SAG: variants seen among roughly 807,000 people sequenced by gnomAD.
SAG encodes the protein S-antigen visual arrestin.
SAG carries 45 observed loss-of-function variants against 55.0 expected under a neutral mutation model. The observed-to-expected ratio is 0.82, with a 90% confidence interval of 0.64 to 1.05. SAG has a LOEUF of 1.05. Among genes scored for constraint, SAG ranks in the 50% least tolerant of loss-of-function variants. The pLI is 0.00. For synonymous variants in SAG, 189 were observed against 197.4 expected, an observed-to-expected ratio of 0.96 and a Z score of 0.36; for missense variants, 455 against 512.1, an observed-to-expected ratio of 0.89 and a Z score of 1.08.
At chr2:233,327,546 T>C in intron 7 of SAG, 1 of 188,838 alleles carries the variant, frequency 5.3e-6, no homozygotes, top group South Asian at 1.1e-4. Flanking sequence ...TTTTTTTTCT[T>C]TTTTTCTTTT....
chr2:233,322,970 G>C lies in SAG; in HGVS notation c.400G>C (p.Val134Leu). The C allele has an allele frequency of 6.3e-7, 1 of 1,577,874 alleles. No individual in the cohort carries two copies. The highest frequency in any genetic ancestry group is 8.6e-7 in the Non-Finnish European group (1 of 1,159,118). ...LTFPDYLPCS[V>L]MLQPAPQDSG... ...GTTTCCTGACTACTTGCCCTGTTCA[G>C]TGATGTTGCAGCCAGCTCCACAAGA... The change falls in exon 6 of 16, where the codon GTG becomes CTG. Residue 134 changes from valine (V) to leucine (L), a missense_variant. Physicochemically the swap from Val to Leu is conservative, Grantham distance 32 (BLOSUM62 1). Coordinates refer to ENST00000409110, the MANE Select transcript of SAG (RefSeq NM_000541.5).
intron 9 of SAG, 105 bp downstream of exon 9, chr2:233,329,682 G>A: frequency 2.7e-6 from 2 of 745,180 alleles, no homozygotes; most frequent in Non-Finnish European, 4.6e-6. Context: ...CTGGGTCCTT[G>A]GAACTGGCTA....
intron 2 of SAG, among the ~76,000 whole-genome samples, chr2:233,313,703 GC>G (rs1700137870): frequency 1.4e-5 from 2 of 141,486 alleles, no homozygotes; most frequent in African/African-American, 5.3e-5. Context: ...GCACCACCTT[GC>G]CCGGGCTAAT....
intron 5 of SAG, among the ~76,000 whole-genome samples, chr2:233,322,523 A>G (rs1412965537): frequency 6.6e-6 from 1 of 152,222 alleles, no homozygotes; most frequent in Non-Finnish European, 1.5e-5. Flanking sequence ...GGGCGTGGCC[A>G]GTTGCAGTGG....
intron 10 of SAG, chr2:233,332,499 G>T (rs1399977830): frequency 6.6e-6 from 1 of 152,168 alleles, no homozygotes; most frequent in Non-Finnish European, 1.5e-5. Flanking sequence ...GTAATAGATA[G>T]ATTTTTTTGA....
At chr2:233,321,986 T>TACACACACACAC (rs57822347) in intron 5 of SAG, among the ~76,000 whole-genome samples, 7 of 133,264 alleles carry the variant, frequency 5.3e-5, no homozygotes, top group African/African-American at 1.7e-4. Flanking sequence ...CTACTAAAAA[T>TACACACACACAC]ACACACACAC....
In SAG at chr2:233,340,597, T is replaced by G; in HGVS notation, c.1046+119T>G. Reference sequence around the variant, plus strand: ...TCTGGACAGTTGTGCTCAGAGGTGTTAGGAATGATGCTTTGCCTTCGGATG... The same window carrying G: ...TCTGGACAGTTGTGCTCAGAGGTGTGAGGAATGATGCTTTGCCTTCGGATG... On this transcript the variant is annotated intron_variant, in intron 13 of 15. Coordinates refer to ENST00000409110, the MANE Select transcript of SAG (RefSeq NM_000541.5). This position sits in a 1 kb window ranked among gnomAD's most constrained non-coding sequence, Gnocchi z 4.2. The G allele has an allele frequency of 1.3e-6, 1 of 780,322 alleles. No homozygotes were observed. The highest frequency in any genetic ancestry group is 2.2e-6 in the Non-Finnish European group (1 of 455,348). The allele number at this position is 780,322 out of a possible 1,614,324, so 48.3% of individuals were successfully genotyped here.
intron 6 of SAG, among the ~76,000 whole-genome samples, chr2:233,326,511 G>A (rs1483394550): frequency 6.6e-6 from 1 of 151,812 alleles, no homozygotes; most frequent in Non-Finnish European, 1.5e-5. Flanking sequence ...CTTGAACTCG[G>A]GAGGCGGAGG....
intron 7 of SAG, chr2:233,328,264 C>T: frequency 2.1e-6 from 1 of 479,638 alleles, no homozygotes; most frequent in African/African-American, 2.0e-5. Flanking sequence ...CACAGCTTCC[C>T]CCACAGGGAA....
intron 10 of SAG, 30 bp downstream of exon 10, chr2:233,331,742 G>A (rs771577825): frequency 1.3e-6 from 2 of 1,518,862 alleles, no homozygotes; most frequent in South Asian, 2.3e-5. Flanking sequence ...TCCGTTTCCT[G>A]GGCGTCTCAG....
chr2:233,328,695 C>T, intron 8 of SAG, 82 bp downstream of exon 8: 1 of 1,429,166 alleles, frequency 7.0e-7, no homozygotes, highest in East Asian at 2.3e-5. Context: ...CAGCCCCAGC[C>T]CTTAACTACA....
At chr2:233,345,804 G>C (rs551435530) in intron 14 of SAG, 1 of 152,738 alleles carries the variant, frequency 6.5e-6, no homozygotes, top group African/African-American at 2.4e-5. Flanking sequence ...GACTGGGGGG[G>C]TTTCATGTGA....
At chr2:233,314,359 C>T (rs1384732353) in intron 2 of SAG, among the ~76,000 whole-genome samples, 1 of 152,166 alleles carries the variant, frequency 6.6e-6, no homozygotes, top group Non-Finnish European at 1.5e-5. Context: ...AGGGCTACCT[C>T]CCAGGAACTG....
chr2:233,310,049 A>G (rs1012389285), intron 2 of SAG, among the ~76,000 whole-genome samples: 6 of 152,170 alleles, frequency 3.9e-5, no homozygotes, highest in Non-Finnish European at 8.8e-5. Context: ...CCGCAGGGCC[A>G]TTGGATAAGG....
intron 6 of SAG, among the ~76,000 whole-genome samples, chr2:233,323,482 G>A (rs1259185724): frequency 4.6e-5 from 7 of 152,008 alleles, no homozygotes; most frequent in African/African-American, 1.7e-4. Flanking sequence ...TTCTGCCTCA[G>A]CCTCCCGAGT....
Position 233,328,095 on chromosome 2 carries a change from G to A in SAG, c.513-383G>A, listed in dbSNP as rs779733571. 8 of 169,304 alleles carry A rather than the reference G, an allele frequency of 4.7e-5. 1 individual carries two copies. The South Asian group carries it at 1.3e-3, about 29-fold the overall frequency. 10.5% of individuals were successfully genotyped at this position (169,304 alleles called of 1,614,324 possible). On this transcript the variant is annotated intron_variant, in intron 7 of 15. Coordinates refer to ENST00000409110, the MANE Select transcript of SAG (RefSeq NM_000541.5). ...GCCCCATGTACACATCTCTGGAGGC[G>A]CAGGATAGTGAGCTGCAGTAATGGA...
At chr2:233,329,107 G>A (rs1700665639) in intron 8 of SAG, 2 of 253,528 alleles carry the variant, frequency 7.9e-6, no homozygotes, top group Admixed American at 5.4e-5. Context: ...CCTCTGGTCA[G>A]CAGTCAGCCA....
Position 233,323,014 on chromosome 2 carries a change from A to T in SAG, c.435+9A>T. ...CACAAGATTCAGGGAAGGTTAGTTCAAGAAGAAATGCCATGGTTTTATGGA... is the reference window on the plus strand; with the variant it reads ...CACAAGATTCAGGGAAGGTTAGTTCTAGAAGAAATGCCATGGTTTTATGGA... On this transcript the variant is annotated intron_variant, in intron 6 of 15. Transcript: ENST00000409110. 1 of 1,529,088 alleles carries T rather than the reference A, an allele frequency of 6.5e-7. No homozygotes were observed. The highest frequency in any genetic ancestry group is 8.9e-7 in the Non-Finnish European group (1 of 1,118,376). The allele number at this position is 1,529,088 out of a possible 1,614,324, so 94.7% of individuals were successfully genotyped here. A position where few individuals can be genotyped will look rare whatever the true frequency, so the allele number is the denominator to read the frequency against.
chr2:233,310,882 G>T (rs927379980), intron 2 of SAG, among the ~76,000 whole-genome samples: 1 of 152,002 alleles, frequency 6.6e-6, no homozygotes, highest in African/African-American at 2.4e-5. Flanking sequence ...CAGGAGATCC[G>T]GCTTTGCCTG....
Sources: gnomAD v4.1 joint callset for allele counts (sites outside exome capture counted in the v4.1 genomes callset) on GRCh38, gnomAD v4.1.1 for gene constraint, Gnocchi (gnomAD v3.1) non-coding constraint, MANE v1.5 for transcripts, NCBI Gene and HGNC (gene_info 2026-07-23, HGNC 2026-07-21) for gene names.